CCDC66: variants seen among roughly 807,000 people sequenced by gnomAD.
The protein encoded by CCDC66 is coiled-coil domain-containing protein 66.
A neutral mutation model predicts 128.3 loss-of-function variants in CCDC66; 133 were observed. The ratio of observed to expected loss-of-function variants is 1.04; its 90% CI spans 0.90 to 1.20. CCDC66 has a LOEUF of 1.20. Among genes scored for constraint, CCDC66 ranks in the 50% most tolerant of loss-of-function variants. The pLI, the probability that CCDC66 is intolerant of heterozygous loss-of-function variation, is 0.00. For missense variants in CCDC66, 1,126 were observed against 1,075.5 expected (o/e 1.05, Z -0.66); for synonymous variants, 387 against 357.0 (o/e 1.08, Z -0.95).
chr3:56,619,158 C>T (rs2075985288), intron 15 of CCDC66, 113 bp from the exon 16 acceptor site: 1 of 872,934 alleles, frequency 1.1e-6, no homozygotes, highest in Non-Finnish European at 1.7e-6. Context: ...CGCGCCACTG[C>T]ACTCCAGCCT....
intron 15 of CCDC66, 119 bp from the exon 16 acceptor site, chr3:56,619,152 C>T: frequency 3.7e-6 from 3 of 811,950 alleles, no homozygotes; most frequent in South Asian, 1.9e-5. Flanking sequence ...TGAGATCGCG[C>T]CACTGCACTC....
At chr3:56,600,347 C>G (rs1428110656) in intron 10 of CCDC66, among the ~76,000 whole-genome samples, 2 of 151,796 alleles carry the variant, frequency 1.3e-5, no homozygotes, top group Non-Finnish European at 2.9e-5. Context: ...GAGCATTTCA[C>G]CATGTTGGCC....
intron 10 of CCDC66, 118 bp downstream of exon 10, chr3:56,594,146 G>C (rs2071423824): frequency 1.1e-6 from 1 of 874,094 alleles, no homozygotes. Context: ...GTCCTGTCCA[G>C]TTGTGTCACG....
intron 6 of CCDC66, among the ~76,000 whole-genome samples, chr3:56,567,673 G>C (rs2066048882): frequency 1.3e-5 from 2 of 151,950 alleles, no homozygotes; most frequent in Admixed American, 1.3e-4. Context: ...AACCTGGCCA[G>C]TAAAAGTGTT....
chr3:56,561,257 G>T (rs1410979445), intron 3 of CCDC66: 1 of 456,588 alleles, frequency 2.2e-6, no homozygotes, highest in East Asian at 7.0e-5. Context: ...TCTTCTCCAG[G>T]CTGATTTGTT....
intron 13 of CCDC66, chr3:56,616,282 A>G: frequency 2.5e-6 from 1 of 398,732 alleles, no homozygotes; most frequent in Non-Finnish European, 4.4e-6. Context: ...TACCACAATC[A>G]ATTCTAAAAC....
At chr3:56,582,316 G>C (rs1001836298) in intron 7 of CCDC66, among the ~76,000 whole-genome samples, 4 of 151,860 alleles carry the variant, frequency 2.6e-5, no homozygotes, top group Non-Finnish European at 5.9e-5. Flanking sequence ...GTCTGTCACG[G>C]CTTCCCTTTG....
chr3:56,558,995 A>G (rs2064739951), intron 2 of CCDC66, 85 bp downstream of exon 2: 2 of 916,788 alleles, frequency 2.2e-6, no homozygotes, highest in African/African-American at 1.7e-5. Context: ...TTTTGCTTGT[A>G]ATAGAGTGAT....
chr3:56,577,215 GTCT>G (rs974568198), intron 7 of CCDC66, among the ~76,000 whole-genome samples: 4 of 151,852 alleles, frequency 2.6e-5, no homozygotes, highest in Non-Finnish European at 4.4e-5. Context: ...CTGCATAAAT[GTCT>G]TCTTTTGAGA....
At chr3:56,599,500 G>C (rs1366360734) in intron 10 of CCDC66, among the ~76,000 whole-genome samples, 1 of 151,900 alleles carries the variant, frequency 6.6e-6, no homozygotes, top group African/African-American at 2.4e-5. Context: ...TTTTTGAAAT[G>C]TTTCCACTTT....
intron 3 of CCDC66, chr3:56,561,513 G>C: frequency 3.5e-6 from 1 of 282,462 alleles, no homozygotes; most frequent in Non-Finnish European, 6.8e-6. Flanking sequence ...CTGATGTTGA[G>C]CCTAAATTGT....
intron 4 of CCDC66, 127 bp from the exon 5 acceptor site, chr3:56,566,467 C>T (rs2065876491): frequency 3.4e-6 from 2 of 593,806 alleles, no homozygotes; most frequent in Admixed American, 3.3e-5. Flanking sequence ...TAATGGCTAC[C>T]TCAAGGATTG....
At chr3:56,567,449 T>C (rs2066014461) in intron 6 of CCDC66, among the ~76,000 whole-genome samples, 1 of 152,118 alleles carries the variant, frequency 6.6e-6, no homozygotes. Context: ...AGGGAAAACG[T>C]CCCCTTTGCC....
chr3:56,619,846 T>TG lies in CCDC66; in HGVS notation c.2706dup (p.Lys903GlufsTer3). ...GATCCACTTCTTAATCCTAACATGGTGAAAAATAGGGATCGACAGCAAGCA... is the reference window on the plus strand; with the variant it reads ...GATCCACTTCTTAATCCTAACATGGTGGAAAAATAGGGATCGACAGCAAGCA... On this transcript the variant is annotated frameshift_variant, in exon 17 of 18. Transcript: ENST00000394672. LOFTEE classifies it high-confidence loss of function. 6.2e-7 allele frequency: 1 copy of TG among 1,614,098 alleles called. No homozygotes were observed. Among genetic ancestry groups the TG allele is most frequent in the Non-Finnish European group, 8.5e-7 (1 of 1,179,996 alleles).
Position 56,557,182 on chromosome 3 carries a change from G to C in CCDC66, c.-61G>C, listed in dbSNP as rs1577154310. On this transcript the variant is annotated 5_prime_UTR_variant, in exon 1 of 18. Transcript: ENST00000394672. ...ATTGGCGTAGCGCTTGCTGAGCGGC[G>C]GCGGCAACCGACGTACACAAGGGGC... The C allele has an allele frequency of 6.4e-7, 1 of 1,550,564 alleles. No individual in the cohort carries two copies. The highest frequency in any genetic ancestry group is 8.7e-7 in the Non-Finnish European group (1 of 1,146,514).
At chr3:56,591,325 G>A (rs2070853182) in intron 7 of CCDC66, among the ~76,000 whole-genome samples, 1 of 152,146 alleles carries the variant, frequency 6.6e-6, no homozygotes, top group Admixed American at 6.6e-5. Flanking sequence ...TCTAATCCCT[G>A]AATAATTTGC....
intron 10 of CCDC66, among the ~76,000 whole-genome samples, chr3:56,610,468 ACT>A (rs2074637829): frequency 6.6e-6 from 1 of 151,838 alleles, no homozygotes; most frequent in African/African-American, 2.4e-5. Flanking sequence ...TTCTCCCTTT[ACT>A]TCTTGTATCA....
chr3:56,620,544 T>C (rs1473999264), intron 17 of CCDC66: 2 of 152,242 alleles, frequency 1.3e-5, no homozygotes, highest in Admixed American at 1.3e-4. Context: ...CTTTTCCATG[T>C]CGTCATGTAC....
intron 7 of CCDC66, among the ~76,000 whole-genome samples, chr3:56,582,315 G>A (rs994137074): frequency 4.6e-5 from 7 of 151,808 alleles, no homozygotes; most frequent in Non-Finnish European, 1.0e-4. Flanking sequence ...CGTCTGTCAC[G>A]GCTTCCCTTT....
Sources: gnomAD v4.1 joint callset for allele counts (sites outside exome capture counted in the v4.1 genomes callset) on GRCh38, gnomAD v4.1.1 for gene constraint, MANE v1.5 for transcripts, NCBI Gene and HGNC (gene_info 2026-07-23, HGNC 2026-07-21) for gene names.